SLC44A5: variants seen among roughly 807,000 people sequenced by gnomAD.
The protein encoded by SLC44A5 is solute carrier family 44 member 5, also known as choline transporter-like protein 5.
In SLC44A5, 57 loss-of-function variants were observed where a neutral mutation model predicts 101.8. The observed-to-expected ratio is 0.56, with a 90% CI of 0.45 to 0.70. The LOEUF (loss-of-function observed/expected upper bound fraction) is 0.70, where lower values mean the gene tolerates loss of function less well. Ranked by LOEUF, SLC44A5 falls within the 30% of genes least tolerant of loss-of-function variation. SLC44A5 has a pLI of 0.00. For synonymous variants in SLC44A5, 281 were observed against 290.9 expected (o/e 0.97, Z 0.35); for missense variants, 737 against 853.1 (o/e 0.86, Z 1.70).
intron 2 of SLC44A5, among the ~76,000 whole-genome samples, chr1:75,504,786 G>C (rs1669154479): frequency 6.6e-6 from 1 of 151,996 alleles, no homozygotes. Flanking sequence ...TCTGTAACTA[G>C]GGAAATACCG....
chr1:75,331,329 A>G (rs777199791), intron 4 of SLC44A5, among the ~76,000 whole-genome samples: 4 of 152,160 alleles, frequency 2.6e-5, no homozygotes, highest in Non-Finnish European at 4.4e-5. Flanking sequence ...CATCTGTACT[A>G]TAGGGGAGCA....
At chr1:75,692,313 C>T in the SLC44A5 span, among the ~76,000 whole-genome samples, 1 of 151,512 alleles carries the variant, frequency 6.6e-6, no homozygotes, top group African/African-American at 2.4e-5. Context: ...CCTGCCTCAG[C>T]CTCCCAAGTA....
chr1:75,221,503 G>A (rs987602604), intron 14 of SLC44A5, among the ~76,000 whole-genome samples: 2 of 152,114 alleles, frequency 1.3e-5, no homozygotes, highest in Non-Finnish European at 1.5e-5. Flanking sequence ...GGTATAAAGT[G>A]TTCCTAAATT....
intron 4 of SLC44A5, among the ~76,000 whole-genome samples, chr1:75,320,672 A>G (rs1656073261): frequency 6.6e-6 from 1 of 152,158 alleles, no homozygotes; most frequent in Non-Finnish European, 1.5e-5. Context: ...TGAATGACAT[A>G]TATTTGTCAA....
At chr1:75,291,423 C>T (rs1241749934) in intron 5 of SLC44A5, among the ~76,000 whole-genome samples, 1 of 152,132 alleles carries the variant, frequency 6.6e-6, no homozygotes, top group Admixed American at 6.5e-5. Context: ...CCAAAGCCTA[C>T]AGTCTGTTGG....
intron 1 of SLC44A5, among the ~76,000 whole-genome samples, chr1:75,573,193 A>G (rs936943988): frequency 8.0e-5 from 12 of 149,638 alleles, no homozygotes; most frequent in African/African-American, 2.9e-4. Flanking sequence ...AGAAATAATG[A>G]TACATATTAA....
chr1:75,305,075 G>T (rs1371247222), intron 4 of SLC44A5, among the ~76,000 whole-genome samples: 1 of 152,192 alleles, frequency 6.6e-6, no homozygotes, highest in East Asian at 1.9e-4. Flanking sequence ...AAAAGAATAA[G>T]AATAGGATTC....
chr1:75,597,241 C>T (rs573984908), intron 1 of SLC44A5, among the ~76,000 whole-genome samples: 205 of 147,934 alleles, frequency 1.4e-3, no homozygotes, highest in African/African-American at 4.8e-3. Context: ...ATAAACCTAA[C>T]GGGGGGTGAA....
At chr1:75,615,502 C>T (rs1675840989), upstream of SLC44A5, among the ~76,000 whole-genome samples, 3 of 147,736 alleles carry the variant, frequency 2.0e-5, no homozygotes, top group Admixed American at 6.8e-5. Context: ...AGAGAGATTC[C>T]GGAAAAGACA....
intron 2 of SLC44A5, among the ~76,000 whole-genome samples, chr1:75,434,078 C>T (rs79110498): frequency 0.093 from 14,196 of 152,074 alleles, 840 homozygotes; most frequent in Admixed American, 0.19. Context: ...AGATGAAATT[C>T]GGATGGAGAC....
Position 75,211,468 on chromosome 1 carries a change from A to T in SLC44A5, c.2047T>A (p.Leu683Met). 6.2e-7 allele frequency: 1 copy of T among 1,610,702 alleles called. No homozygotes were observed. Among genetic ancestry groups the T allele is most frequent in the Non-Finnish European group, 8.5e-7 (1 of 1,177,470 alleles). The change falls in exon 23 of 24, where the codon TTG becomes ATG. Residue 683 changes from leucine to methionine, a missense_variant and splice_region_variant. Leu to Met is a conservative substitution (Grantham distance 15). This residue lies in a region of SLC44A5 where 61 missense variants were observed against 56.5 expected (regional missense o/e 1.08). Transcript: ENST00000370859. The part of the protein sequence containing the change: ...MCVETIFICF[L>M]EDLERNDGST... ...GAAAACACACATACTGAATACTCAC[A>T]GAAGCAGATGAAAATTGTTTCAACA...
chr1:75,442,501 G>A (rs113758053), intron 2 of SLC44A5, among the ~76,000 whole-genome samples: 1 of 152,024 alleles, frequency 6.6e-6, no homozygotes, highest in African/African-American at 2.4e-5. Flanking sequence ...ACTTTAGTAA[G>A]AATTCCCCTC....
intron 2 of SLC44A5, among the ~76,000 whole-genome samples, chr1:75,480,693 C>G (rs1296474940): frequency 6.6e-6 from 1 of 151,984 alleles, no homozygotes; most frequent in Non-Finnish European, 1.5e-5. Context: ...ATCCACCTTA[C>G]AAGGGATGTG....
chr1:75,638,426 A>G, the SLC44A5 span, among the ~76,000 whole-genome samples: 1 of 152,106 alleles, frequency 6.6e-6, no homozygotes, highest in African/African-American at 2.4e-5. Context: ...CTTAATATCA[A>G]AACAAAATGA....
At chr1:75,506,907 CTTTTTTTT>C (rs61554987) in intron 2 of SLC44A5, among the ~76,000 whole-genome samples, 3 of 68,748 alleles carry the variant, frequency 4.4e-5, no homozygotes, top group Admixed American at 4.5e-4. Flanking sequence ...TATTCCTATT[CTTTTTTTT>C]TTTTTTTTTT....
chr1:75,404,810 A>G (rs1662738226), intron 2 of SLC44A5, among the ~76,000 whole-genome samples: 1 of 152,246 alleles, frequency 6.6e-6, no homozygotes, highest in Non-Finnish European at 1.5e-5. Flanking sequence ...ATAACTAGCT[A>G]GCATCAAAAT....
intron 1 of SLC44A5, among the ~76,000 whole-genome samples, chr1:75,588,605 T>A (rs1016644572): frequency 6.6e-6 from 1 of 152,168 alleles, no homozygotes. Flanking sequence ...AGATGTTTTT[T>A]AAAATTTTTT....
At chr1:75,507,131 T>C (rs1332158335) in intron 2 of SLC44A5, among the ~76,000 whole-genome samples, 1 of 152,054 alleles carries the variant, frequency 6.6e-6, no homozygotes, top group East Asian at 1.9e-4. Flanking sequence ...GTTCCTATTC[T>C]TAAAGAGGAT....
chr1:75,670,680 A>G, the SLC44A5 span, among the ~76,000 whole-genome samples: 125 of 152,334 alleles, frequency 8.2e-4, no homozygotes, highest in African/African-American at 2.9e-3. Context: ...GGGAAGAAGA[A>G]GAGTGTGCTG....
Sources: gnomAD v4.1 joint callset for allele counts (sites outside exome capture counted in the v4.1 genomes callset) on GRCh38, gnomAD v4.1.1 for gene constraint, gnomAD v4.1.1 regional missense constraint, MANE v1.5 for transcripts, NCBI Gene and HGNC (gene_info 2026-07-23, HGNC 2026-07-21) for gene names.